Variants in ABLIM1 observed in about 807,000 individuals in gnomAD.
ABLIM1 encodes the protein actin-binding LIM protein 1.
In ABLIM1, 40 loss-of-function variants were observed where a neutral mutation model predicts 107.0. That is an observed-to-expected ratio of 0.37 (90% CI 0.29 to 0.49). The LOEUF (loss-of-function observed/expected upper bound fraction) is 0.49, where lower values mean the gene tolerates loss of function less well. ABLIM1 is among the 20% of genes least tolerant of loss of function. The probability of loss-of-function intolerance (pLI) is 0.97; values close to 1 mark genes in which losing one functional copy is unlikely to be tolerated. For synonymous variants in ABLIM1, 357 were observed against 357.3 expected, an observed-to-expected ratio of 1.00 and a Z score of 0.01; for missense variants, 857 against 1,008.5, an observed-to-expected ratio of 0.85 and a Z score of 2.04.
At chr10:114,757,257 A>G (rs1399574060) in intron 1 of ABLIM1, among the ~76,000 whole-genome samples, 2 of 152,224 alleles carry the variant, frequency 1.3e-5, no homozygotes, top group Non-Finnish European at 1.5e-5. Flanking sequence ...CAGTAAATAG[A>G]GCATCCTCTG....
At chr10:114,532,157 C>T (rs891311696) in intron 6 of ABLIM1, among the ~76,000 whole-genome samples, 5 of 152,188 alleles carry the variant, frequency 3.3e-5, no homozygotes, top group Admixed American at 6.6e-5. Flanking sequence ...TCCCTTCCAC[C>T]TTACCTATCC....
At chr10:114,786,472 A>G in the ABLIM1 span, among the ~76,000 whole-genome samples, 5 of 152,198 alleles carry the variant, frequency 3.3e-5, no homozygotes, top group Admixed American at 6.5e-5. Context: ...GCACCTTCAA[A>G]TTTATTTTTA....
At chr10:114,760,776 A>G (rs1350523254) in intron 1 of ABLIM1, among the ~76,000 whole-genome samples, 1 of 152,228 alleles carries the variant, frequency 6.6e-6, no homozygotes, top group Non-Finnish European at 1.5e-5. Flanking sequence ...GCTGAAACAT[A>G]TGACACTCCC....
At chr10:114,608,192 C>G (rs2076555011) in intron 1 of ABLIM1, among the ~76,000 whole-genome samples, 2 of 152,130 alleles carry the variant, frequency 1.3e-5, no homozygotes, top group Admixed American at 1.3e-4. Flanking sequence ...TGGTAAGACC[C>G]ACCTCTACTA....
chr10:114,457,096 C>T (rs1231071400), intron 12 of ABLIM1, among the ~76,000 whole-genome samples: 3 of 152,132 alleles, frequency 2.0e-5, no homozygotes, highest in Non-Finnish European at 4.4e-5. Context: ...CATATCACAA[C>T]CGCTCATCGG....
intron 1 of ABLIM1, among the ~76,000 whole-genome samples, chr10:114,721,629 G>A (rs1026184566): frequency 2.0e-5 from 3 of 151,974 alleles, no homozygotes; most frequent in Non-Finnish European, 2.9e-5. Flanking sequence ...TTACAGGCAT[G>A]CACCACTACG....
In ABLIM1 at chr10:114,629,318, C is replaced by T. The variant is rs187358367; in HGVS notation, c.245-27357G>A. On this transcript the variant is annotated intron_variant, in intron 1 of 22. Transcript: ENST00000533213. This position sits in a 1 kb window ranked among gnomAD's most constrained non-coding sequence, Gnocchi z 4.0. ...GGCCGGCCATGTTCCTCGGGATGGA[C>T]ATTGCCAGGACCCGAGCCTCCTCGA... Among the ~76,000 whole-genome samples, 123 of 152,320 alleles carry T rather than the reference C, an allele frequency of 8.1e-4. No homozygotes were observed. Among genetic ancestry groups the T allele is most frequent in the African/African-American group, 2.8e-3 (118 of 41,582 alleles).
chr10:114,634,686 G>A (rs543401624), intron 1 of ABLIM1, among the ~76,000 whole-genome samples: 60 of 152,028 alleles, frequency 3.9e-4, no homozygotes, highest in Non-Finnish European at 7.9e-4. Context: ...TTTTCCCCCC[G>A]CCTGTGTTTT....
intron 2 of ABLIM1, among the ~76,000 whole-genome samples, chr10:114,599,805 T>C (rs2075808434): frequency 6.6e-6 from 1 of 150,472 alleles, no homozygotes; most frequent in African/African-American, 2.4e-5. Flanking sequence ...AATAAATAAA[T>C]AAATAATAAA....
At position 114,468,231 on chromosome 10, in the gene ABLIM1, G is replaced by C. The variant is rs750721470; in HGVS notation, c.1276-15C>G. 1.9e-6 allele frequency: 3 copies of C among 1,611,158 alleles called. No individual in the cohort carries two copies. In the South Asian group the frequency reaches 3.3e-5, roughly 18 times the overall value. On this transcript the variant is annotated splice_polypyrimidine_tract_variant and intron_variant, in intron 10 of 22. Transcript: ENST00000533213. The stretch of plus-strand genomic sequence containing the variant: ...GTCCTCGGAGACTAGAAAAATAAAA[G>C]AGAATTTAAAGTCACAATGTTTGTT...
Position 114,439,146 on chromosome 10 carries a change from T to C in ABLIM1, c.2142+30A>G, listed in dbSNP as rs367814605. On this transcript the variant is annotated intron_variant, in intron 21 of 22. Coordinates refer to ENST00000533213, the MANE Select transcript of ABLIM1 (RefSeq NM_002313.7). The stretch of plus-strand genomic sequence containing the variant: ...TCTGTTTAGGGTTACGCCATTCCCA[T>C]ATGAGAGGAAAAAGAACAGCTGCAC... 9 of 1,612,534 alleles carry C rather than the reference T, an allele frequency of 5.6e-6. No homozygotes were observed. The East Asian group carries it at 2.0e-4, about 36-fold the overall frequency.
chr10:114,675,700 G>A (rs1446570287), intron 1 of ABLIM1, among the ~76,000 whole-genome samples: 1 of 152,198 alleles, frequency 6.6e-6, no homozygotes, highest in African/African-American at 2.4e-5. Context: ...GTTTTCTGGG[G>A]CTTCTATTAC....
chr10:114,514,354 T>C (rs1358161866), intron 6 of ABLIM1, among the ~76,000 whole-genome samples: 2 of 152,108 alleles, frequency 1.3e-5, no homozygotes, highest in Non-Finnish European at 2.9e-5. Context: ...GCTGTTTTTG[T>C]AATTTCTGCA....
At position 114,491,012 on chromosome 10, in the gene ABLIM1, G is replaced by GTGTGTGTGTATATATATATATATA; in HGVS notation, c.982+778_982+779insTATATATATATATATACACACACA. ...TGTGTGTGTGTGTGTGTGTGTGTGT[G>GTGTGTGTGTATATATATATATATA]TATATATATATATGGTCTATTTTAT... On this transcript the variant is annotated intron_variant, in intron 7 of 22. Coordinates refer to ENST00000533213, the MANE Select transcript of ABLIM1 (RefSeq NM_002313.7). Among the ~76,000 whole-genome samples the GTGTGTGTGTATATATATATATATA allele has an allele frequency of 3.7e-4, 34 of 92,370 alleles. 1 individual carries two copies. In the East Asian group the frequency reaches 4.6e-3, roughly 12 times the overall value. 60.6% of individuals were successfully genotyped at this position (92,370 alleles called of 152,430 possible).
chr10:114,436,368 G>A lies in ABLIM1; in HGVS notation c.2229C>T (p.His743=). Residue 743 remains histidine, a synonymous_variant, in exon 23 of 23, where the codon CAC becomes CAT. Transcript: ENST00000533213. ...TTTCCCGAAACACTTCAGGGGCTAA[G>A]TGGCGCTGGGAAGAAGAAAAAAAAA... is the stretch of plus-strand genomic sequence containing the variant. ...REVDRTRLER[H]LAPEVFREIF... 2 of 1,611,634 alleles carry A rather than the reference G, an allele frequency of 1.2e-6. No individual in the cohort carries two copies. The highest frequency in any genetic ancestry group is 1.7e-6 in the Non-Finnish European group (2 of 1,178,812).
intron 8 of ABLIM1, among the ~76,000 whole-genome samples, chr10:114,479,807 T>C (rs1195021834): frequency 6.6e-6 from 1 of 152,228 alleles, no homozygotes; most frequent in Non-Finnish European, 1.5e-5. Flanking sequence ...TACTTAGAAT[T>C]TTACATTTCA....
chr10:114,454,069 C>T (rs2062375124), intron 12 of ABLIM1, among the ~76,000 whole-genome samples: 1 of 152,180 alleles, frequency 6.6e-6, no homozygotes, highest in Non-Finnish European at 1.5e-5. Context: ...AAAATAGAGT[C>T]AGACGCGTGT....
chr10:114,439,089 C>G (rs758940140), intron 21 of ABLIM1, 87 bp downstream of exon 21: 3 of 1,521,110 alleles, frequency 2.0e-6, no homozygotes, highest in Non-Finnish European at 2.7e-6. Flanking sequence ...GCCTACAACA[C>G]TTTGAGAATG....
intron 12 of ABLIM1, among the ~76,000 whole-genome samples, chr10:114,463,822 T>A (rs1009838997): frequency 6.6e-6 from 1 of 152,150 alleles, no homozygotes; most frequent in Admixed American, 6.5e-5. Context: ...TTTGGGGTGT[T>A]CTATATGGAT....
Sources: gnomAD v4.1 joint callset for allele counts (sites outside exome capture counted in the v4.1 genomes callset) on GRCh38, gnomAD v4.1.1 for gene constraint, Gnocchi (gnomAD v3.1) non-coding constraint, MANE v1.5 for transcripts, NCBI Gene and HGNC (gene_info 2026-07-23, HGNC 2026-07-21) for gene names.